Variants in STK17A observed in about 807,000 individuals in gnomAD.
The protein encoded by STK17A is serine/threonine kinase 17a.
A neutral mutation model predicts 43.7 loss-of-function variants in STK17A; 26 were observed. That is an observed-to-expected ratio of 0.60 (90% CI 0.44 to 0.83). STK17A has a LOEUF of 0.83. Ranked by LOEUF, STK17A falls within the 40% of genes least tolerant of loss-of-function variation. STK17A has a pLI of 0.00. For missense variants in STK17A, 476 were observed against 511.6 expected (o/e 0.93, Z 0.67); for synonymous variants, 191 against 182.5 (o/e 1.05, Z -0.38).
At chr7:43,598,649 A>G (rs927311568) in intron 2 of STK17A, among the ~76,000 whole-genome samples, 11 of 152,184 alleles carry the variant, frequency 7.2e-5, no homozygotes, top group Admixed American at 2.0e-4. Flanking sequence ...CCATATATGC[A>G]GTTGCCCAAA....
At chr7:43,604,910 G>A (rs1305158963) in intron 2 of STK17A, among the ~76,000 whole-genome samples, 4 of 152,022 alleles carry the variant, frequency 2.6e-5, no homozygotes, top group African/African-American at 9.7e-5. Context: ...TCCATTGACA[G>A]CTTATTTTGC....
Position 43,625,064 on chromosome 7 carries a change from TAAG to T in STK17A, c.*226_*228del, listed in dbSNP as rs2084357435. On this transcript the variant is annotated 3_prime_UTR_variant, in exon 7 of 7. Transcript: ENST00000319357. Reference sequence around the variant, plus strand: ...CAGTTACCCGTTTCAATGTTATTTTTAAGAAGGGAGATGTTGGCACCTTTGAAT... The same window carrying T: ...CAGTTACCCGTTTCAATGTTATTTTTAAGGGAGATGTTGGCACCTTTGAAT... 2.8e-6 allele frequency: 1 copy of T among 362,660 alleles called. No individual in the cohort carries two copies. Among genetic ancestry groups the T allele is most frequent in the Non-Finnish European group, 4.9e-6 (1 of 202,134 alleles). The allele number at this position is 362,660 out of a possible 1,614,324, so 22.5% of individuals were successfully genotyped here.
At chr7:43,605,384 C>T (rs1315187787) in intron 2 of STK17A, among the ~76,000 whole-genome samples, 1 of 152,184 alleles carries the variant, frequency 6.6e-6, no homozygotes, top group African/African-American at 2.4e-5. Flanking sequence ...AAGGATGGCC[C>T]TCCCAAAGAA....
At chr7:43,589,937 A>AATTTTATTTTATTTTATTTT (rs60703469) in intron 1 of STK17A, among the ~76,000 whole-genome samples, 46 of 103,860 alleles carry the variant, frequency 4.4e-4, no homozygotes, top group African/African-American at 1.1e-3. Context: ...TTTTAATTTT[A>AATTTTATTTTATTTTATTTT]ATTTTATTTT....
intron 1 of STK17A, among the ~76,000 whole-genome samples, chr7:43,594,519 T>C (rs2082501805): frequency 6.6e-6 from 1 of 152,164 alleles, no homozygotes; most frequent in African/African-American, 2.4e-5. Context: ...CCTCACAGTT[T>C]GAAATAAGAC....
chr7:43,598,897 G>C (rs2082538641), intron 2 of STK17A, among the ~76,000 whole-genome samples: 1 of 151,814 alleles, frequency 6.6e-6, no homozygotes, highest in Non-Finnish European at 1.5e-5. Flanking sequence ...TCAGTAGCTG[G>C]GATTACAGGT....
At chr7:43,592,475 GTTA>G (rs879857396) in intron 1 of STK17A, among the ~76,000 whole-genome samples, 3,094 of 148,954 alleles carry the variant, frequency 0.021, 64 homozygotes, top group Non-Finnish European at 0.035. Flanking sequence ...TATATTTGCA[GTTA>G]ACAATAGCTG....
At chr7:43,585,927 T>C (rs117872001) in intron 1 of STK17A, among the ~76,000 whole-genome samples, 2,666 of 151,742 alleles carry the variant, frequency 0.018, 134 homozygotes, top group Middle Eastern at 0.031. Flanking sequence ...ACAGGAACTG[T>C]TCAGAAGTCT....
intron 1 of STK17A, 144 bp downstream of exon 1, chr7:43,583,593 G>T: frequency 1.4e-6 from 1 of 732,856 alleles, no homozygotes; most frequent in Admixed American, 4.5e-5. Flanking sequence ...GCACAAACTT[G>T]GGTGCCGACG....
At chr7:43,624,435 T>C (rs2084263186) in intron 6 of STK17A, 83 bp from the exon 7 acceptor site, 1 of 1,320,030 alleles carries the variant, frequency 7.6e-7, no homozygotes, top group South Asian at 1.8e-5. Flanking sequence ...TCCCAAAATA[T>C]AATGCAATAA....
At chr7:43,586,645 A>G (rs1034106399) in intron 1 of STK17A, among the ~76,000 whole-genome samples, 1 of 151,452 alleles carries the variant, frequency 6.6e-6, no homozygotes, top group Non-Finnish European at 1.5e-5. Context: ...AGAAACAGAA[A>G]GATGTTTCAA....
chr7:43,608,732 T>A (rs1017702825), intron 3 of STK17A: 6 of 176,432 alleles, frequency 3.4e-5, no homozygotes, highest in Non-Finnish European at 7.1e-5. Context: ...TTAGGAATAT[T>A]TGTGATGTGT....
intron 4 of STK17A, among the ~76,000 whole-genome samples, chr7:43,620,389 T>C (rs1383764033): frequency 2.6e-5 from 4 of 152,166 alleles, no homozygotes; most frequent in Admixed American, 6.5e-5. Flanking sequence ...ATTATTAATA[T>C]TTAGGCCAAG....
rs549471684 is a variant in STK17A at position 43,591,706 on chromosome 7, T to G, written c.207-4195T>G. On this transcript the variant is annotated intron_variant, in intron 1 of 6. Coordinates refer to ENST00000319357, the MANE Select transcript of STK17A (RefSeq NM_004760.3). ...AGTATGGGGAAGAGGCCCCAGAATT[T>G]AGCAATGGCTGTTCTGTAACAGGGC... is the stretch of plus-strand genomic sequence containing the variant. 6.6e-5 allele frequency among the ~76,000 whole-genome samples: 10 copies of G among 151,556 alleles called. No homozygotes were observed. The South Asian group carries it at 1.9e-3, about 28-fold the overall frequency.
chr7:43,588,799 TC>T (rs1751323865), intron 1 of STK17A, among the ~76,000 whole-genome samples: 1 of 151,298 alleles, frequency 6.6e-6, no homozygotes, highest in Non-Finnish European at 1.5e-5. Flanking sequence ...GCCACTGTAC[TC>T]CAGCCTAGGT....
intron 1 of STK17A, among the ~76,000 whole-genome samples, chr7:43,591,196 G>T (rs1383982774): frequency 2.0e-5 from 3 of 151,498 alleles, no homozygotes; most frequent in Non-Finnish European, 4.4e-5. Context: ...TAGAGCAGGG[G>T]TCAGCAAACT....
intron 3 of STK17A, among the ~76,000 whole-genome samples, chr7:43,616,762 TG>T (rs781405368): frequency 6.4e-4 from 97 of 151,908 alleles, no homozygotes; most frequent in Non-Finnish European, 9.6e-4. Flanking sequence ...CCGGGCGTGG[TG>T]GCGGGCTCCT....
intron 1 of STK17A, among the ~76,000 whole-genome samples, chr7:43,589,785 C>T (rs774417836): frequency 3.3e-5 from 5 of 151,254 alleles, no homozygotes; most frequent in Non-Finnish European, 4.4e-5. Context: ...TACGCTGGTA[C>T]TTGAGTGCAG....
intron 3 of STK17A, among the ~76,000 whole-genome samples, chr7:43,610,771 A>G (rs939332002): frequency 2.0e-5 from 3 of 152,124 alleles, no homozygotes; most frequent in Admixed American, 1.3e-4. Flanking sequence ...TATATATTTA[A>G]TACTATATAA....
Sources: gnomAD v4.1 joint callset for allele counts (sites outside exome capture counted in the v4.1 genomes callset) on GRCh38, gnomAD v4.1.1 for gene constraint, MANE v1.5 for transcripts, NCBI Gene and HGNC (gene_info 2026-07-23, HGNC 2026-07-21) for gene names.